Variants in BRMS1L observed in about 807,000 individuals in gnomAD.
BRMS1L encodes the protein BRMS1 like transcriptional repressor, also known as breast cancer metastasis-suppressor 1-like protein.
Under a neutral mutation model 50.3 loss-of-function variants are expected in BRMS1L, and 23 were observed. The ratio of observed to expected loss-of-function variants is 0.46; its 90% CI spans 0.33 to 0.65. BRMS1L has a LOEUF of 0.65. Among genes scored for constraint, BRMS1L ranks in the 30% least tolerant of loss-of-function variants. The pLI is 0.02. For missense variants in BRMS1L, 286 were observed against 386.1 expected, an observed-to-expected ratio of 0.74 and a Z score of 2.17; for synonymous variants, 114 against 126.9, an observed-to-expected ratio of 0.90 and a Z score of 0.69.
chr14:35,833,386 A>T (rs2077950857), intron 3 of BRMS1L, among the ~76,000 whole-genome samples: 2 of 152,060 alleles, frequency 1.3e-5, no homozygotes, highest in South Asian at 2.1e-4. Context: ...AAACCATGAT[A>T]CTTTCATTAA....
At chr14:35,845,502 T>G (rs1250650323) in intron 4 of BRMS1L, among the ~76,000 whole-genome samples, 2 of 152,234 alleles carry the variant, frequency 1.3e-5, no homozygotes. Flanking sequence ...CTGTGGTGAC[T>G]TAGGTTGTTA....
intron 8 of BRMS1L, among the ~76,000 whole-genome samples, chr14:35,867,013 G>C (rs1387588106): frequency 2.0e-5 from 3 of 152,070 alleles, no homozygotes; most frequent in African/African-American, 7.2e-5. Context: ...ACAAAGGCTA[G>C]AACCATATCT....
Position 35,865,735 on chromosome 14 carries a change from T to C in BRMS1L, c.701T>C (p.Leu234Ser). The change falls in exon 8 of 10, where the codon TTG (leucine) becomes TCG (serine). Residue 234 changes from leucine to serine, a missense_variant. Leu to Ser is a moderately radical substitution (Grantham distance 145). Transcript: ENST00000216807. ...WTTIRKAMAT[L>S]GPHRVKTEPP... ...TTTTTAATTAAGGCAATGGCTACAT[T>C]GGGGCCACACAGAGTGAAAACGGAA... 1 of 1,595,156 alleles carries C rather than the reference T, an allele frequency of 6.3e-7. No individual in the cohort carries two copies. The highest frequency in any genetic ancestry group is 8.5e-7 in the Non-Finnish European group (1 of 1,175,716).
At chr14:35,847,279 T>A (rs1174525912) in intron 4 of BRMS1L, among the ~76,000 whole-genome samples, 3 of 152,018 alleles carry the variant, frequency 2.0e-5, no homozygotes, top group Non-Finnish European at 2.9e-5. Flanking sequence ...CACCTGGCCA[T>A]CTCTTTGTAT....
In BRMS1L at chr14:35,852,546, C is replaced by G. The variant is rs534761905; in HGVS notation, c.442-10044C>G. On this transcript the variant is annotated intron_variant, in intron 4 of 9. Transcript: ENST00000216807. The stretch of plus-strand genomic sequence containing the variant: ...TTTTCAATATACAAGTCTTTCAGCT[C>G]TTAGGTTAAATTTATTCCTAATTGT... 4.6e-5 allele frequency among the ~76,000 whole-genome samples: 7 copies of G among 152,284 alleles called. No individual in the cohort carries two copies. The South Asian group carries it at 1.4e-3, about 32-fold the overall frequency.
rs1389511783 is a variant in BRMS1L, at chr14:35,871,953, T to C, written c.*1476T>C. 2 of 152,254 alleles carry C rather than the reference T, an allele frequency of 1.3e-5. No individual in the cohort carries two copies. Among genetic ancestry groups the C allele is most frequent in the African/African-American group, 4.8e-5 (2 of 41,462 alleles). The allele number at this position is 152,254 out of a possible 1,614,324, so 9.4% of individuals were successfully genotyped here. On this transcript the variant is annotated 3_prime_UTR_variant, in exon 10 of 10. Transcript: ENST00000216807. The stretch of plus-strand genomic sequence containing the variant: ...ATTTAGTATATAATAAAAAGATGTG[T>C]TTCAGTGTGATTTGTAGTGTCTTGG...
intron 7 of BRMS1L, among the ~76,000 whole-genome samples, 176 bp downstream of exon 7, chr14:35,865,175 GAGTT>G (rs994763642): frequency 9.2e-5 from 14 of 152,184 alleles, no homozygotes; most frequent in Non-Finnish European, 1.9e-4. Context: ...GATATTTTAA[GAGTT>G]AGAGACATGT....
chr14:35,835,128 CTG>C (rs2077974811), intron 4 of BRMS1L, among the ~76,000 whole-genome samples: 1 of 151,156 alleles, frequency 6.6e-6, no homozygotes, highest in African/African-American at 2.4e-5. Flanking sequence ...TAGAAAAAAA[CTG>C]AGATAATTTT....
At chr14:35,856,316 T>C (rs1002035788) in intron 4 of BRMS1L, among the ~76,000 whole-genome samples, 1 of 152,134 alleles carries the variant, frequency 6.6e-6, no homozygotes, top group African/African-American at 2.4e-5. Flanking sequence ...GGAGATGCTT[T>C]ATTTAGGTTA....
intron 2 of BRMS1L, among the ~76,000 whole-genome samples, chr14:35,831,910 G>A (rs548528647): frequency 1.4e-5 from 2 of 148,008 alleles, no homozygotes; most frequent in South Asian, 4.3e-4. Flanking sequence ...GACAGAGTAA[G>A]ACACTGTCTT....
chr14:35,826,344 C>G lies in BRMS1L; in HGVS notation c.-173C>G. On this transcript the variant is annotated 5_prime_UTR_variant, in exon 1 of 10. Transcript: ENST00000216807. ...GAAGGCCTCCGCCAATGGCAGAGCTCCCATCGCAGAGCCTGCGGGTTAGGT... is the reference window on the plus strand; with the variant it reads ...GAAGGCCTCCGCCAATGGCAGAGCTGCCATCGCAGAGCCTGCGGGTTAGGT... 1 of 939,978 alleles carries G rather than the reference C, an allele frequency of 1.1e-6. No homozygotes were observed. The highest frequency in any genetic ancestry group is 2.6e-5 in the East Asian group (1 of 37,736). 58.2% of individuals were successfully genotyped at this position (939,978 alleles called of 1,614,324 possible).
At chr14:35,869,137 A>G (rs1036871742) in intron 9 of BRMS1L, among the ~76,000 whole-genome samples, 2 of 152,214 alleles carry the variant, frequency 1.3e-5, no homozygotes, top group South Asian at 2.1e-4. Flanking sequence ...AACATTGTGT[A>G]TAATAACTTT....
chr14:35,865,697 CTCTT>C, intron 7 of BRMS1L, 21 bp from the exon 8 acceptor site: 1 of 1,455,666 alleles, frequency 6.9e-7, no homozygotes, highest in Admixed American at 2.0e-5. Flanking sequence ...TTCTTTCTTC[CTCTT>C]TTTTTTTTTT....
At chr14:35,859,242 C>T (rs2078320189) in intron 4 of BRMS1L, among the ~76,000 whole-genome samples, 2 of 152,134 alleles carry the variant, frequency 1.3e-5, no homozygotes, top group Admixed American at 6.5e-5. Context: ...CCGTGCCTGG[C>T]CCATCCTACC....
At chr14:35,858,301 C>T (rs2078307812) in intron 4 of BRMS1L, among the ~76,000 whole-genome samples, 1 of 152,164 alleles carries the variant, frequency 6.6e-6, no homozygotes, top group South Asian at 2.1e-4. Flanking sequence ...CTCGTGTCCC[C>T]TATCCTCCTG....
At chr14:35,857,849 C>G (rs1024663623) in intron 4 of BRMS1L, among the ~76,000 whole-genome samples, 1 of 149,352 alleles carries the variant, frequency 6.7e-6, no homozygotes, top group Non-Finnish European at 1.5e-5. Context: ...TTAGTTTTCT[C>G]TGTGTTTATC....
chr14:35,831,326 T>C (rs2077916224), intron 1 of BRMS1L, 84 bp from the exon 2 acceptor site: 1 of 914,152 alleles, frequency 1.1e-6, no homozygotes, highest in Non-Finnish European at 1.7e-6. Flanking sequence ...TTCTTCCTAT[T>C]TGAATTACGT....
intron 4 of BRMS1L, among the ~76,000 whole-genome samples, chr14:35,849,831 T>G (rs1478021950): frequency 6.6e-6 from 1 of 152,104 alleles, no homozygotes; most frequent in Non-Finnish European, 1.5e-5. Context: ...TTCTTTTTTT[T>G]TTTGTTGACA....
At chr14:35,862,069 T>C in intron 4 of BRMS1L, among the ~76,000 whole-genome samples, 1 of 151,988 alleles carries the variant, frequency 6.6e-6, no homozygotes, top group South Asian at 2.1e-4. Context: ...AGTCTGTAAT[T>C]TTATAATTTA....
Sources: gnomAD v4.1 joint callset for allele counts (sites outside exome capture counted in the v4.1 genomes callset) on GRCh38, gnomAD v4.1.1 for gene constraint, MANE v1.5 for transcripts, NCBI Gene and HGNC (gene_info 2026-07-23, HGNC 2026-07-21) for gene names.